The following RUSC1 variants were observed in gnomAD, a reference collection of about 807,000 sequenced individuals.
RUSC1 encodes RUN and SH3 domain containing 1, also known as AP-4 complex accessory subunit RUSC1.
Under a neutral mutation model 72.1 loss-of-function variants are expected in RUSC1, and 40 were observed. The observed-to-expected ratio is 0.55, with a 90% confidence interval of 0.43 to 0.72. The LOEUF (loss-of-function observed/expected upper bound fraction) is 0.72, where lower values mean the gene tolerates loss of function less well. Ranked by LOEUF, RUSC1 falls within the 30% of genes least tolerant of loss-of-function variation. The pLI, the probability that RUSC1 is intolerant of heterozygous loss-of-function variation, is 0.00. For missense variants in RUSC1, 1,092 were observed against 1,172.3 expected (o/e 0.93, Z 1.00); for synonymous variants, 512 against 494.2 (o/e 1.04, Z -0.48).
Position 155,325,200 on chromosome 1 carries a change from C to T in RUSC1, c.1533+22C>T, listed in dbSNP as rs764689210. On this transcript the variant is annotated intron_variant, in intron 4 of 9. Coordinates refer to ENST00000368352, the MANE Select transcript of RUSC1 (RefSeq NM_001105203.2). This position sits in a 1 kb window ranked among gnomAD's most constrained non-coding sequence, Gnocchi z 6.5. ...GAAGGTGAAGGTGGCTGGGGGGAGG[C>T]TGTTGGGATGAGGAGAGTAATGGAG... 4.3e-6 allele frequency: 7 copies of T among 1,614,072 alleles called. No individual in the cohort carries two copies. Among genetic ancestry groups the T allele is most frequent in the Non-Finnish European group, 5.1e-6 (6 of 1,180,012 alleles).
At position 155,328,143 on chromosome 1, in the gene RUSC1, C is replaced by A; in HGVS notation, c.2415-7C>A. ...GTTGAGCTGTGACCCTATGTCCCTT[C>A]TTTTAGGAGACCATCTAGCTGGCTG... On this transcript the variant is annotated splice_polypyrimidine_tract_variant and splice_region_variant and intron_variant, in intron 8 of 9. Coordinates refer to ENST00000368352, the MANE Select transcript of RUSC1 (RefSeq NM_001105203.2). 6.2e-7 allele frequency: 1 copy of A among 1,611,970 alleles called. No homozygotes were observed. The highest frequency in any genetic ancestry group is 8.5e-7 in the Non-Finnish European group (1 of 1,178,970).
At position 155,323,140 on chromosome 1, in the gene RUSC1, C is replaced by A. The variant is rs1650798405; in HGVS notation, c.1357+10C>A. On this transcript the variant is annotated intron_variant, in intron 2 of 9. Coordinates refer to ENST00000368352, the MANE Select transcript of RUSC1 (RefSeq NM_001105203.2). Reference sequence around the variant, plus strand: ...CAGGCCGGCCTGGAGGGTAAGAGGTCGCAAGAAGCGGGAGGAGGGCTGGGC... The same window carrying A: ...CAGGCCGGCCTGGAGGGTAAGAGGTAGCAAGAAGCGGGAGGAGGGCTGGGC... 6 of 1,400,768 alleles carry A rather than the reference C, an allele frequency of 4.3e-6. No homozygotes were observed. The South Asian group carries it at 9.6e-5, about 22-fold the overall frequency. The allele number at this position is 1,400,768 out of a possible 1,614,324, so 86.8% of individuals were successfully genotyped here.
chr1:155,326,331 C>A lies in RUSC1; in HGVS notation c.1862-249C>A. ...TATGTGCTTCTATGGCTCTCCTGTCCTCCTCCTCTGTAGCCTTTGCACTGT... is the reference window on the plus strand; with the variant it reads ...TATGTGCTTCTATGGCTCTCCTGTCATCCTCCTCTGTAGCCTTTGCACTGT... On this transcript the variant is annotated intron_variant, in intron 7 of 9. Transcript: ENST00000368352. This position sits in a 1 kb window ranked among gnomAD's most constrained non-coding sequence, Gnocchi z 4.7. 1 of 572,708 alleles carries A rather than the reference C, an allele frequency of 1.7e-6. No homozygotes were observed. The highest frequency in any genetic ancestry group is 3.1e-6 in the Non-Finnish European group (1 of 322,826). The allele number at this position is 572,708 out of a possible 1,614,324, so 35.5% of individuals were successfully genotyped here.
chr1:155,323,938 C>G, intron 2 of RUSC1: 1 of 993,574 alleles, frequency 1.0e-6, no homozygotes, highest in Non-Finnish European at 1.2e-6. Context: ...TCAGTTTAAG[C>G]CGACTCCAAG....
chr1:155,324,697 C>G (rs1196609173), intron 2 of RUSC1, 148 bp from the exon 3 acceptor site: 12 of 1,554,020 alleles, frequency 7.7e-6, no homozygotes, highest in South Asian at 1.2e-5. Context: ...CGAGCTACCC[C>G]GTGCTTCAGG....
intron 9 of RUSC1, among the ~76,000 whole-genome samples, chr1:155,328,905 G>A (rs900782983): frequency 3.3e-5 from 5 of 151,808 alleles, no homozygotes; most frequent in African/African-American, 1.2e-4. Flanking sequence ...GCCAATTTTT[G>A]TATTTTTAGT....
intron 2 of RUSC1, chr1:155,323,901 C>G (rs1457963460): frequency 1.2e-5 from 12 of 987,152 alleles, no homozygotes; most frequent in Non-Finnish European, 1.4e-5. Flanking sequence ...GCTTTTTTTC[C>G]GGGGTTGCCC....
chr1:155,320,932 G>A lies in RUSC1; in HGVS notation c.-146G>A. 1 of 1,576,746 alleles carries A rather than the reference G, an allele frequency of 6.3e-7. No homozygotes were observed. Among genetic ancestry groups the A allele is most frequent in the Non-Finnish European group, 8.6e-7 (1 of 1,160,726 alleles). ...TCCCCTCCCGCTCTGTGCCCCGCCG[G>A]GCGGGGACCGTGGGAGCCGCGGACA... On this transcript the variant is annotated 5_prime_UTR_variant, in exon 1 of 10. Transcript: ENST00000368352.
rs531056759 is a variant in RUSC1 at position 155,324,365 on chromosome 1, G to T, written c.1358-480G>T. The T allele has an allele frequency of 1.9e-6, 3 of 1,609,360 alleles. No homozygotes were observed. The African/African-American group carries it at 4.0e-5, about 22-fold the overall frequency. ...CGCCTTCCAGCCTCCCAATCCTCGG[G>T]TCTCGCCTCCCTCCGTCTCCTCCCT... is the stretch of plus-strand genomic sequence containing the variant. On this transcript the variant is annotated intron_variant, in intron 2 of 9. Coordinates refer to ENST00000368352, the MANE Select transcript of RUSC1 (RefSeq NM_001105203.2).
In RUSC1 at chr1:155,328,288, G is replaced by A; in HGVS notation, c.2540+13G>A. ...TGCAAACCCATAGGTAAGGAGGATT[G>A]GGGAGAATGCACTAGTGTGTAACCA... On this transcript the variant is annotated intron_variant, in intron 9 of 9. Coordinates refer to ENST00000368352, the MANE Select transcript of RUSC1 (RefSeq NM_001105203.2). The A allele has an allele frequency of 6.2e-7, 1 of 1,603,066 alleles. No homozygotes were observed. The highest frequency in any genetic ancestry group is 1.1e-5 in the South Asian group (1 of 88,362).
Position 155,326,017 on chromosome 1 carries a change from A to C in RUSC1, c.1861+107A>C. 8.5e-7 allele frequency: 1 copy of C among 1,174,476 alleles called. No homozygotes were observed. The highest frequency in any genetic ancestry group is 1.3e-6 in the Non-Finnish European group (1 of 784,692). The allele number at this position is 1,174,476 out of a possible 1,614,324, so 72.8% of individuals were successfully genotyped here. ...TGCTGCCAGAATGCCATTAATCCAG[A>C]TCTCCGATCTTATTACTCTTCTAAT... On this transcript the variant is annotated intron_variant, in intron 7 of 9. Coordinates refer to ENST00000368352, the MANE Select transcript of RUSC1 (RefSeq NM_001105203.2). This position sits in a 1 kb window ranked among gnomAD's most constrained non-coding sequence, Gnocchi z 4.7.
chr1:155,329,894 G>C (rs1364566073), intron 9 of RUSC1, among the ~76,000 whole-genome samples: 1 of 150,006 alleles, frequency 6.7e-6, no homozygotes, highest in Non-Finnish European at 1.5e-5. Flanking sequence ...GGAGGTGGAG[G>C]CTGTTGAGAT....
rs1305289252 is a variant in RUSC1, at chr1:155,322,504, C to T, written c.731C>T (p.Ala244Val). The change falls in exon 2 of 10, where the codon GCT (alanine) becomes GTT (valine). Residue 244 changes from alanine (A) to valine (V), a missense_variant. By Grantham distance (64) the Ala-to-Val change is moderately conservative. Transcript: ENST00000368352. ...AAAATTGACACAGAGAAAACTAAAG[C>T]TGAATGGAAAACCACTGAAAACAAT... ...IWKIDTEKTK[A>V]EWKTTENNNT... 1.9e-5 allele frequency: 30 copies of T among 1,613,084 alleles called. No homozygotes were observed. The highest frequency in any genetic ancestry group is 2.5e-5 in the Non-Finnish European group (30 of 1,179,382).
chr1:155,324,414 G>C (rs1651015076), intron 2 of RUSC1: 1 of 1,613,006 alleles, frequency 6.2e-7, no homozygotes, highest in African/African-American at 1.3e-5. Flanking sequence ...CTTTCCATTG[G>C]TCCATGCCGC....
intron 9 of RUSC1, among the ~76,000 whole-genome samples, chr1:155,329,226 C>T (rs1651753553): frequency 1.3e-5 from 2 of 151,042 alleles, no homozygotes; most frequent in African/African-American, 4.9e-5. Flanking sequence ...GCTGGGATTA[C>T]AGGCACCTGC....
intron 1 of RUSC1, chr1:155,321,399 G>A: frequency 7.2e-7 from 1 of 1,391,554 alleles, no homozygotes; most frequent in Non-Finnish European, 9.6e-7. Flanking sequence ...GGGACCTGGA[G>A]GTCCATTCTG....
Position 155,323,111 on chromosome 1 carries a change from C to G in RUSC1, c.1338C>G (p.Gly446=). ...AGGCCCCAGCCGCGAAGGAGCCGGG[C>G]GCGCAGGCCGGCCTGGAGGGTAAGA... The part of the protein sequence containing the change: ...GEEAPAAKEP[G]AQAGLEVRSS... The change falls in exon 2 of 10, where the codon GGC becomes GGG. Residue 446 remains glycine, a synonymous_variant. Coordinates refer to ENST00000368352, the MANE Select transcript of RUSC1 (RefSeq NM_001105203.2). 7.0e-7 allele frequency: 1 copy of G among 1,421,862 alleles called. No individual in the cohort carries two copies. Among genetic ancestry groups the G allele is most frequent in the South Asian group, 1.5e-5 (1 of 65,704 alleles). 88.1% of individuals were successfully genotyped at this position (1,421,862 alleles called of 1,614,324 possible).
chr1:155,321,481 G>A (rs761686787), intron 1 of RUSC1: 5 of 1,472,142 alleles, frequency 3.4e-6, no homozygotes, highest in Non-Finnish European at 4.6e-6. Flanking sequence ...TGACCCTCCC[G>A]GCTCCATTCC....
chr1:155,321,595 C>A, intron 1 of RUSC1, 93 bp from the exon 2 acceptor site: 1 of 1,241,640 alleles, frequency 8.1e-7, no homozygotes, highest in Non-Finnish European at 1.1e-6. Context: ...GCAGCCAGAG[C>A]CTTCAGGCCT....
Sources: gnomAD v4.1 joint callset for allele counts (sites outside exome capture counted in the v4.1 genomes callset) on GRCh38, gnomAD v4.1.1 for gene constraint, Gnocchi (gnomAD v3.1) non-coding constraint, MANE v1.5 for transcripts, NCBI Gene and HGNC (gene_info 2026-07-23, HGNC 2026-07-21) for gene names.